The following CHLSN variants were observed in gnomAD, a reference collection of about 807,000 sequenced individuals.
The protein encoded by CHLSN is cholesin, also known as protein cholesin.
chr7:1,016,978 A>AGCAGCGCACGCCAGCACACG, the CHLSN span, among the ~76,000 whole-genome samples: 2 of 64,526 alleles, frequency 3.1e-5, no homozygotes, highest in Admixed American at 1.5e-4. Flanking sequence ...GCCAGCACAC[A>AGCAGCGCACGCCAGCACACG]CCAGCGCACA....
the CHLSN span, among the ~76,000 whole-genome samples, chr7:1,031,435 G>C: frequency 7.0e-4 from 56 of 79,640 alleles, no homozygotes; most frequent in South Asian, 1.1e-3. Flanking sequence ...GTCCGGGGGG[G>C]CAGAGACCTG....
chr7:1,034,460 A>T, the CHLSN span, among the ~76,000 whole-genome samples: 1 of 152,150 alleles, frequency 6.6e-6, no homozygotes, highest in Non-Finnish European at 1.5e-5. Flanking sequence ...TAACAAGGAT[A>T]GCTAAAACAG....
At chr7:1,036,330 C>T in the CHLSN span, among the ~76,000 whole-genome samples, 13 of 150,892 alleles carry the variant, frequency 8.6e-5, no homozygotes, top group East Asian at 5.8e-4. Context: ...TTCGGGTGCT[C>T]GTGCTGTGGC....
chr7:1,007,018 T>C, the CHLSN span, among the ~76,000 whole-genome samples: 1 of 152,152 alleles, frequency 6.6e-6, no homozygotes, highest in Non-Finnish European at 1.5e-5. Flanking sequence ...ACCCGGGTTC[T>C]AGGGACGGGG....
chr7:990,951 C>G, the CHLSN span, among the ~76,000 whole-genome samples: 1 of 152,090 alleles, frequency 6.6e-6, no homozygotes, highest in East Asian at 1.9e-4. Context: ...GACTCAGGCC[C>G]AGCCCTCCCA....
the CHLSN span, chr7:1,024,816 A>G: frequency 1.3e-5 from 2 of 152,218 alleles, no homozygotes; most frequent in African/African-American, 4.8e-5. Context: ...GCGAGCGGCT[A>G]TTTAGACTTG....
the CHLSN span, among the ~76,000 whole-genome samples, chr7:1,045,134 T>C: frequency 6.6e-6 from 1 of 152,206 alleles, no homozygotes; most frequent in African/African-American, 2.4e-5. Context: ...AAAGCTTCAC[T>C]GGAAGGCAGT....
At chr7:999,096 T>C in the CHLSN span, among the ~76,000 whole-genome samples, 1 of 152,244 alleles carries the variant, frequency 6.6e-6, no homozygotes, top group Non-Finnish European at 1.5e-5. Flanking sequence ...TGTGTGTGTG[T>C]ATACACACAT....
chr7:1,063,184 G>A, the CHLSN span, among the ~76,000 whole-genome samples: 1 of 152,182 alleles, frequency 6.6e-6, no homozygotes, highest in Non-Finnish European at 1.5e-5. Context: ...CTCTGACACT[G>A]CCAGCTGACC....
At chr7:1,116,496 G>A in the CHLSN span, among the ~76,000 whole-genome samples, 4 of 75,978 alleles carry the variant, frequency 5.3e-5, no homozygotes, top group African/African-American at 7.6e-5. Flanking sequence ...TTCCATCACC[G>A]ACGCCCACGC....
chr7:1,016,200 C>T, the CHLSN span, among the ~76,000 whole-genome samples: 10 of 66,722 alleles, frequency 1.5e-4, no homozygotes, highest in African/African-American at 6.9e-4. Context: ...CACACAGCAG[C>T]GCACGCCAGC....
At chr7:1,008,940 C>G in the CHLSN span, among the ~76,000 whole-genome samples, 4 of 149,010 alleles carry the variant, frequency 2.7e-5, no homozygotes, top group African/African-American at 9.7e-5. Context: ...TACATGCACA[C>G]GCACACCCCC....
At chr7:1,015,621 C>T in the CHLSN span, among the ~76,000 whole-genome samples, 1 of 152,144 alleles carries the variant, frequency 6.6e-6, no homozygotes, top group Non-Finnish European at 1.5e-5. Context: ...AGGGAGGACC[C>T]AGGACTGACC....
At chr7:1,129,020 G>A in the CHLSN span, among the ~76,000 whole-genome samples, 3 of 2,850 alleles carry the variant, frequency 1.1e-3, no homozygotes, top group Non-Finnish European at 1.5e-3. Flanking sequence ...TCATCCCACC[G>A]TCACCCGGGC....
chr7:1,054,717 C>T, the CHLSN span, among the ~76,000 whole-genome samples: 1 of 152,228 alleles, frequency 6.6e-6, no homozygotes, highest in East Asian at 1.9e-4. Context: ...CGCGGTTCCA[C>T]CTGCAGGAGA....
the CHLSN span, among the ~76,000 whole-genome samples, chr7:1,133,392 C>CAA: frequency 2.6e-3 from 235 of 91,068 alleles, 3 homozygotes; most frequent in Middle Eastern, 6.3e-3. Context: ...CGATATACTG[C>CAA]AAAAAAAAAA....
chr7:1,070,468 C>T, the CHLSN span, among the ~76,000 whole-genome samples: 3,606 of 151,658 alleles, frequency 0.024, 93 homozygotes, highest in Non-Finnish European at 0.029. Context: ...AGCACACATG[C>T]ACGCACATAC....
chr7:1,084,402 C>T, the CHLSN span, among the ~76,000 whole-genome samples: 1 of 152,260 alleles, frequency 6.6e-6, no homozygotes, highest in African/African-American at 2.4e-5. Flanking sequence ...GAACCTCGGG[C>T]TGTCTTCCAG....
the CHLSN span, among the ~76,000 whole-genome samples, chr7:1,120,025 G>GA: frequency 4.6e-5 from 7 of 150,944 alleles, no homozygotes; most frequent in Non-Finnish European, 8.9e-5. Flanking sequence ...ACTTCTTTCG[G>GA]AAGAAAAAAA....
Sources: allele counts gnomAD v4.1 joint callset (sites outside exome capture counted in the v4.1 genomes callset), GRCh38; gene constraint gnomAD v4.1.1; transcripts MANE v1.5; gene names NCBI Gene and HGNC (gene_info 2026-07-23, HGNC 2026-07-21).